Variants in CELSR3 observed in about 807,000 individuals in gnomAD.
CELSR3 encodes the protein EGF-like protein 1.
In CELSR3, 73 loss-of-function variants were observed where a neutral mutation model predicts 270.0. The ratio of observed to expected loss-of-function variants is 0.27; its 90% confidence interval spans 0.22 to 0.33. The LOEUF is 0.33. Among genes scored for constraint, CELSR3 ranks in the 10% least tolerant of loss-of-function variants. The pLI is 1.00. For synonymous variants in CELSR3, 1,780 were observed against 1,905.4 expected (o/e 0.93, Z 1.71); for missense variants, 3,614 against 4,533.8 (o/e 0.80, Z 5.83).
At position 48,644,072 on chromosome 3, in the gene CELSR3, C is replaced by T; in HGVS notation, c.8165+144G>A. ...TATAGCGAGGGCGCCAGAGAGGGAC[C>T]ACAGGTCAGGGCAGGTGTGACTTCA... On this transcript the variant is annotated intron_variant, in intron 27 of 34. Transcript: ENST00000164024. This position sits in a 1 kb window ranked among gnomAD's most constrained non-coding sequence, Gnocchi z 4.8. 3.0e-6 allele frequency: 2 copies of T among 663,410 alleles called. No homozygotes were observed. The highest frequency in any genetic ancestry group is 5.3e-6 in the Non-Finnish European group (2 of 378,074). 41.1% of individuals were successfully genotyped at this position (663,410 alleles called of 1,614,324 possible).
Position 48,641,231 on chromosome 3 carries a change from TCA to T in CELSR3, c.9025+91_9025+92del. ...CCCTAGGTCAGAGTAAGAAGAGCTC[TCA>T]GTTTGGGATGAGGAAGCTGCAATCC... On this transcript the variant is annotated intron_variant, in intron 33 of 34. Transcript: ENST00000164024. This position sits in a 1 kb window ranked among gnomAD's most constrained non-coding sequence, Gnocchi z 4.8. 1 of 838,150 alleles carries T rather than the reference TCA, an allele frequency of 1.2e-6. No individual in the cohort carries two copies. Among genetic ancestry groups the T allele is most frequent in the Non-Finnish European group, 2.0e-6 (1 of 500,006 alleles). 51.9% of individuals were successfully genotyped at this position (838,150 alleles called of 1,614,324 possible).
chr3:48,648,238 G>GCCCCCCCCCACC, intron 19 of CELSR3, 28 bp downstream of exon 19: 14 of 1,342,554 alleles, frequency 1.0e-5, no homozygotes, highest in Admixed American at 1.7e-5. Flanking sequence ...CCCCTGCTGT[G>GCCCCCCCCCACC]CCCCGCCCTA....
chr3:48,645,103 C>T lies in CELSR3; in HGVS notation c.7904G>A (p.Arg2635His), dbSNP rs1293413337. 16 of 1,604,434 alleles carry T rather than the reference C, an allele frequency of 1.0e-5. No individual in the cohort carries two copies. The highest frequency in any genetic ancestry group is 1.0e-5 in the Non-Finnish European group (12 of 1,173,266). Residue 2635 changes from arginine (R) to histidine (H), a missense_variant, in exon 25 of 35, where the codon CGC becomes CAC. This residue lies in a region of CELSR3 where 1,240 missense variants were observed against 1,351.7 expected (regional missense o/e 0.92). Coordinates refer to ENST00000164024, the MANE Select transcript of CELSR3 (RefSeq NM_001407.3). The surrounding 1 kb of genome is among the most constrained non-coding windows in gnomAD (Gnocchi z 5.4). ...LHLYRMQVEP[R>H]NVDRGAMRFY... ...GCGCATGGCGCCGCGGTCCACGTTGCGTGGCTCAACCTGCATGCGGTAGAG... is the reference window on the plus strand; with the variant it reads ...GCGCATGGCGCCGCGGTCCACGTTGTGTGGCTCAACCTGCATGCGGTAGAG...
chr3:48,649,244 T>C (rs774183129), intron 16 of CELSR3, 29 bp from the exon 17 acceptor site: 101 of 1,566,890 alleles, frequency 6.4e-5, no homozygotes, highest in Admixed American at 1.9e-4. Context: ...TGGTCAGGCC[T>C]GGGGCCTGGA....
chr3:48,640,176 GGCCA>G lies in CELSR3; in HGVS notation c.9405_9408del (p.Gly3136AlafsTer10). 1.2e-6 allele frequency: 2 copies of G among 1,612,700 alleles called. No individual in the cohort carries two copies. The highest frequency in any genetic ancestry group is 1.7e-6 in the Non-Finnish European group (2 of 1,179,944). On this transcript the variant is annotated frameshift_variant, in exon 34 of 35. Transcript: ENST00000164024. LOFTEE classifies it high-confidence loss of function. This position sits in a 1 kb window ranked among gnomAD's most constrained non-coding sequence, Gnocchi z 7.5. ...TCGAGCGCATCCCGTGACCCGAAGC[GGCCA>G]GCCATGGCGCCAGGGTAGTCCCGAG...
At position 48,652,149 on chromosome 3, in the gene CELSR3, T is replaced by G. The variant is rs182307273; in HGVS notation, c.5752-101A>C. The G allele has an allele frequency of 2.9e-4, 355 of 1,211,050 alleles. No individual in the cohort carries two copies. The highest frequency in any genetic ancestry group is 3.8e-4 in the Non-Finnish European group (340 of 895,780). 75.0% of individuals were successfully genotyped at this position (1,211,050 alleles called of 1,614,324 possible). A position where few individuals can be genotyped will look rare whatever the true frequency, so the allele number is the denominator to read the frequency against. On this transcript the variant is annotated intron_variant, in intron 11 of 34. Transcript: ENST00000164024. This position sits in a 1 kb window ranked among gnomAD's most constrained non-coding sequence, Gnocchi z 4.3. Reference sequence around the variant, plus strand: ...CGGTCTGATGATCCTTGACATGCAGTCTTCTGATACCCTCAAAAAACCCAG... The same window carrying G: ...CGGTCTGATGATCCTTGACATGCAGGCTTCTGATACCCTCAAAAAACCCAG...
rs1304218647 is a variant in CELSR3, at chr3:48,646,976, GCA to G, written c.7130-50_7130-49del. On this transcript the variant is annotated intron_variant, in intron 20 of 34. Coordinates refer to ENST00000164024, the MANE Select transcript of CELSR3 (RefSeq NM_001407.3). The surrounding 1 kb of genome is among the most constrained non-coding windows in gnomAD (Gnocchi z 4.8). ...TTCTGTCAGTGACCTTTGACCCAAA[GCA>G]CCCACCAACCCAGCTCTGAACCCGA... 14 of 1,463,902 alleles carry G rather than the reference GCA, an allele frequency of 9.6e-6. No homozygotes were observed. The highest frequency in any genetic ancestry group is 5.8e-5 in the Admixed American group (2 of 34,494). 90.7% of individuals were successfully genotyped at this position (1,463,902 alleles called of 1,614,324 possible). A position where few individuals can be genotyped will look rare whatever the true frequency, so the allele number is the denominator to read the frequency against.
At position 48,661,181 on chromosome 3, in the gene CELSR3, G is replaced by A. The variant is rs763161573; in HGVS notation, c.1454C>T (p.Ala485Val). ...GCCGGAGCGTGGATCAATCTCGAAG[G>A]CGGCGGCAGCTGCAGCGCGCGCAGC... ...PPAARAAAAA[A>V]FEIDPRSGLI... is the part of the protein sequence containing the mutation. Residue 485 changes from alanine to valine, a missense_variant, in exon 1 of 35, where the codon GCC becomes GTC. Coordinates refer to ENST00000164024, the MANE Select transcript of CELSR3 (RefSeq NM_001407.3). 1 of 1,597,234 alleles carries A rather than the reference G, an allele frequency of 6.3e-7. No individual in the cohort carries two copies. Among genetic ancestry groups the A allele is most frequent in the South Asian group, 1.1e-5 (1 of 89,692 alleles).
chr3:48,662,793 C>T lies in CELSR3; in HGVS notation c.-159G>A. 3.2e-6 allele frequency: 1 copy of T among 308,212 alleles called. No homozygotes were observed. The highest frequency in any genetic ancestry group is 5.9e-6 in the Non-Finnish European group (1 of 170,314). 19.1% of individuals were successfully genotyped at this position (308,212 alleles called of 1,614,324 possible). A position where few individuals can be genotyped will look rare whatever the true frequency, so the allele number is the denominator to read the frequency against. On this transcript the variant is annotated 5_prime_UTR_variant, in exon 1 of 35. Transcript: ENST00000164024. The surrounding 1 kb of genome is among the most constrained non-coding windows in gnomAD (Gnocchi z 7.1). Reference sequence around the variant, plus strand: ...CCCGCCGCCCTCTGGGCACCATCTACTCCGCGGCCGGAGCCCCTCCGGCGT... The same window carrying T: ...CCCGCCGCCCTCTGGGCACCATCTATTCCGCGGCCGGAGCCCCTCCGGCGT...
Position 48,660,363 on chromosome 3 carries a change from T to G in CELSR3, c.2272A>C (p.Met758Leu). ...TTCAGTCGTAGGTGGTACTCCTTCA[T>G]TGTGAACTCAGGCCGATTGTCATTA... Reference protein sequence around the residue: ...DVNDNRPEFTMKEYHLRLNED... With the variant: ...DVNDNRPEFTLKEYHLRLNED... The change falls in exon 1 of 35, where the codon ATG (methionine) becomes CTG (leucine). Residue 758 changes from methionine to leucine, a missense_variant. Transcript: ENST00000164024. This position sits in a 1 kb window ranked among gnomAD's most constrained non-coding sequence, Gnocchi z 5.5. The G allele has an allele frequency of 6.2e-7, 1 of 1,614,158 alleles. No individual in the cohort carries two copies. Among genetic ancestry groups the G allele is most frequent in the Non-Finnish European group, 8.5e-7 (1 of 1,180,028 alleles).
At chr3:48,649,064 G>C in intron 17 of CELSR3, 57 bp downstream of exon 17, 1 of 1,551,314 alleles carries the variant, frequency 6.4e-7, no homozygotes. Flanking sequence ...GGTATCTGGG[G>C]CCCACCACAG....
Position 48,660,340 on chromosome 3 carries a change from C to G in CELSR3, c.2295G>C (p.Leu765=). 2 of 1,614,158 alleles carry G rather than the reference C, an allele frequency of 1.2e-6. No individual in the cohort carries two copies. The highest frequency in any genetic ancestry group is 3.3e-5 in the Admixed American group (2 of 60,014). Reference sequence around the variant, plus strand: ...TGGTGCCCACAGCTGCATCCTCATTCAGTCGTAGGTGGTACTCCTTCATTG... The same window carrying G: ...TGGTGCCCACAGCTGCATCCTCATTGAGTCGTAGGTGGTACTCCTTCATTG... ...EFTMKEYHLR[L]NEDAAVGTSV... Residue 765 remains leucine (L), a synonymous_variant, in exon 1 of 35, where the codon CTG becomes CTC. Coordinates refer to ENST00000164024, the MANE Select transcript of CELSR3 (RefSeq NM_001407.3). The surrounding 1 kb of genome is among the most constrained non-coding windows in gnomAD (Gnocchi z 5.5).
Position 48,644,863 on chromosome 3 carries a change from G to A in CELSR3, c.7973-35C>T, listed in dbSNP as rs1222272643. On this transcript the variant is annotated intron_variant, in intron 25 of 34. Coordinates refer to ENST00000164024, the MANE Select transcript of CELSR3 (RefSeq NM_001407.3). The surrounding 1 kb of genome is among the most constrained non-coding windows in gnomAD (Gnocchi z 4.8). ...AGAAAGGGTAGGACTGAGGGTGTGT[G>A]TTCCAGAGCTGCTGACCAGCCCATG... 4 of 1,586,258 alleles carry A rather than the reference G, an allele frequency of 2.5e-6. No homozygotes were observed. Among genetic ancestry groups the A allele is most frequent in the African/African-American group, 1.3e-5 (1 of 74,268 alleles).
At position 48,662,339 on chromosome 3, in the gene CELSR3, C is replaced by G; in HGVS notation, c.296G>C (p.Arg99Pro). The change falls in exon 1 of 35, where the codon CGA becomes CCA. Residue 99 changes from arginine to proline, a missense_variant. By Grantham distance (103) the Arg-to-Pro change is moderately radical. Transcript: ENST00000164024. This position sits in a 1 kb window ranked among gnomAD's most constrained non-coding sequence, Gnocchi z 7.1. ...CTCATTCGGCTGCTCAGGGGGCCCT[C>G]GACTATTCCGGGCGCTTTGCCTTCT... ...RGRRQSARNS[R>P]GPPEQPNEEL... 1.2e-6 allele frequency: 2 copies of G among 1,613,042 alleles called. No homozygotes were observed. Among genetic ancestry groups the G allele is most frequent in the East Asian group, 2.2e-5 (1 of 44,866 alleles).
In CELSR3 at chr3:48,639,763, G is replaced by A. The variant is rs946244638; in HGVS notation, c.9822C>T (p.Ala3274=). The A allele has an allele frequency of 3.7e-6, 6 of 1,613,788 alleles. No homozygotes were observed. The highest frequency in any genetic ancestry group is 1.7e-5 in the Admixed American group (1 of 60,014). Residue 3274 remains alanine, a synonymous_variant, in exon 34 of 35, where the codon GCC becomes GCT. Transcript: ENST00000164024. The surrounding 1 kb of genome is among the most constrained non-coding windows in gnomAD (Gnocchi z 4.1). The part of the protein sequence containing the change: ...SSTPLGPHTT[A]TPSATASVLG... ...GCACAGAGGCTGTGGCAGAAGGTGT[G>A]GCAGTGGTGTGAGGGCCCAAGGGTG...
intron 3 of CELSR3, 124 bp downstream of exon 3, chr3:48,656,016 G>T: frequency 8.3e-7 from 1 of 1,204,212 alleles, no homozygotes; most frequent in South Asian, 1.3e-5. Flanking sequence ...AGGAGACCCC[G>T]GGCGGGGCGT....
In CELSR3 at chr3:48,656,194, G is replaced by GAAC; in HGVS notation, c.4568_4570dup (p.Ser1523_Ser1524insCys). On this transcript the variant is annotated inframe_insertion, in exon 3 of 35. Transcript: ENST00000164024. ...CCGCAGGCCGCGAAACATGACGAAC[G>GAAC]AACTGGGCGGGAAGGAGCGCGCAGC... The GAAC allele has an allele frequency of 6.5e-7, 1 of 1,538,028 alleles. No homozygotes were observed. Among genetic ancestry groups the GAAC allele is most frequent in the Non-Finnish European group, 8.7e-7 (1 of 1,148,090 alleles).
chr3:48,642,015 G>A lies in CELSR3; in HGVS notation c.8666-6C>T, dbSNP rs370620381. ...GTCAGAGTCGGAGTCTGCGCCTGGAGTTGGGAAAGTCAGAAGTACTTTCAG... is the reference window on the plus strand; with the variant it reads ...GTCAGAGTCGGAGTCTGCGCCTGGAATTGGGAAAGTCAGAAGTACTTTCAG... On this transcript the variant is annotated splice_polypyrimidine_tract_variant and splice_region_variant and intron_variant, in intron 31 of 34. Transcript: ENST00000164024. This position sits in a 1 kb window ranked among gnomAD's most constrained non-coding sequence, Gnocchi z 6.1. The A allele has an allele frequency of 3.9e-6, 6 of 1,525,242 alleles. No individual in the cohort carries two copies. The African/African-American group carries it at 7.0e-5, about 18-fold the overall frequency. The allele number at this position is 1,525,242 out of a possible 1,614,324, so 94.5% of individuals were successfully genotyped here.
In CELSR3 at chr3:48,648,902, C is replaced by T. The variant is rs529106069; in HGVS notation, c.6594G>A (p.Thr2198=). Residue 2198 remains threonine (T), a synonymous_variant, in exon 18 of 35, where the codon ACG becomes ACA. Transcript: ENST00000164024. The part of the protein sequence containing the change: ...LLLDGLELNK[T]ALDTMEAKKL... ...TCTTGGCCTCCATGGTATCCAGTGC[C>T]GTCTTGTTCAGCTCTAGGCCATCCA... is the stretch of plus-strand genomic sequence containing the variant. 5 of 1,612,830 alleles carry T rather than the reference C, an allele frequency of 3.1e-6. No individual in the cohort carries two copies. The highest frequency in any genetic ancestry group is 1.7e-5 in the Admixed American group (1 of 60,012).
Sources: gnomAD v4.1 joint callset for allele counts on GRCh38, gnomAD v4.1.1 for gene constraint, gnomAD v4.1.1 regional missense constraint, Gnocchi (gnomAD v3.1) non-coding constraint, MANE v1.5 for transcripts, NCBI Gene and HGNC (gene_info 2026-07-23, HGNC 2026-07-21) for gene names.